Variants in TRIM58 observed in about 807,000 individuals in gnomAD.
TRIM58 encodes the protein tripartite motif containing 58.
TRIM58 carries 38 observed loss-of-function variants against 34.1 expected under a neutral mutation model. The ratio of observed to expected loss-of-function variants is 1.12; its 90% CI spans 0.86 to 1.46. The LOEUF (loss-of-function observed/expected upper bound fraction) is 1.46, where lower values mean the gene tolerates loss of function less well. TRIM58 is among the 40% of genes most tolerant of loss of function. The pLI is 0.00. For synonymous variants in TRIM58, 273 were observed against 275.7 expected, an observed-to-expected ratio of 0.99 and a Z score of 0.10; for missense variants, 677 against 642.0, an observed-to-expected ratio of 1.05 and a Z score of -0.59.
chr1:247,875,530 CCCGTCTCT>C (rs1659262485), intron 5 of TRIM58, among the ~76,000 whole-genome samples: 2 of 151,444 alleles, frequency 1.3e-5, no homozygotes, highest in African/African-American at 4.9e-5. Context: ...ATAGCAAGAC[CCCGTCTCT>C]CTGTCTCTCT....
chr1:247,860,011 CTA>C (rs1484145782), intron 1 of TRIM58, among the ~76,000 whole-genome samples: 9 of 151,842 alleles, frequency 5.9e-5, no homozygotes, highest in Non-Finnish European at 1.0e-4. Context: ...CATTGTATTT[CTA>C]GTCATTAAAC....
chr1:247,869,092 G>T (rs537662320), intron 5 of TRIM58, among the ~76,000 whole-genome samples: 22 of 152,268 alleles, frequency 1.4e-4, no homozygotes, highest in African/African-American at 5.3e-4. Flanking sequence ...TAGAGACGGG[G>T]TCTCACCATG....
chr1:247,869,985 G>GC (rs1199578275), intron 5 of TRIM58, among the ~76,000 whole-genome samples: 4 of 152,114 alleles, frequency 2.6e-5, no homozygotes, highest in Non-Finnish European at 4.4e-5. Context: ...GATTCATTGG[G>GC]CTTGGAGTGC....
intron 5 of TRIM58, among the ~76,000 whole-genome samples, chr1:247,872,040 T>C (rs1339010941): frequency 2.0e-5 from 3 of 152,158 alleles, no homozygotes; most frequent in African/African-American, 7.2e-5. Context: ...CCAGGAGCTG[T>C]GAGGATGTCA....
Position 247,875,895 on chromosome 1 carries a change from C to T in TRIM58, c.872-5C>T, listed in dbSNP as rs777980554. 1.7e-4 allele frequency: 280 copies of T among 1,602,810 alleles called. No homozygotes were observed. The highest frequency in any genetic ancestry group is 5.3e-4 in the South Asian group (47 of 89,468). On this transcript the variant is annotated splice_polypyrimidine_tract_variant and splice_region_variant and intron_variant, in intron 5 of 5. Transcript: ENST00000366481. ...TTCACCTGGTCCACCACATTCTTTC[C>T]GCAGTGGATGTAAAGCTGGATCCCG...
chr1:247,866,818 C>A lies in TRIM58; in HGVS notation c.748-1027C>A, dbSNP rs1572574096. On this transcript the variant is annotated intron_variant, in intron 3 of 5. Transcript: ENST00000366481. ...ATGAGGCTTGGTTGTGTTGCCCAGG[C>A]TGTATATTTTTATACTTTCCTTTCC... 2.0e-5 allele frequency among the ~76,000 whole-genome samples: 3 copies of A among 152,128 alleles called. No individual in the cohort carries two copies. The South Asian group carries it at 6.2e-4, about 31-fold the overall frequency.
intron 5 of TRIM58, among the ~76,000 whole-genome samples, chr1:247,869,403 T>C (rs1434896127): frequency 2.0e-5 from 3 of 152,236 alleles, no homozygotes; most frequent in Non-Finnish European, 4.4e-5. Flanking sequence ...GGAGGCTTTC[T>C]GGGTAATCAC....
At position 247,879,220 on chromosome 1, in the gene TRIM58, C is replaced by A. The variant is rs1659356449; in HGVS notation, c.*2731C>A. On this transcript the variant is annotated 3_prime_UTR_variant, in exon 6 of 6. Coordinates refer to ENST00000366481, the MANE Select transcript of TRIM58 (RefSeq NM_015431.4). ...AACTCCATTCTTTTGATTGCTTAAGCCAGGCATCCGATTGAGTACTTTCTT... is the reference window on the plus strand; with the variant it reads ...AACTCCATTCTTTTGATTGCTTAAGACAGGCATCCGATTGAGTACTTTCTT... Among the ~76,000 whole-genome samples the A allele has an allele frequency of 6.6e-6, 1 of 152,200 alleles. No homozygotes were observed. The highest frequency in any genetic ancestry group is 6.5e-5 in the Admixed American group (1 of 15,276).
chr1:247,858,339 T>G (rs1017838164), intron 1 of TRIM58, among the ~76,000 whole-genome samples: 4 of 152,142 alleles, frequency 2.6e-5, no homozygotes, highest in African/African-American at 9.7e-5. Flanking sequence ...ATGGGAGTAT[T>G]TGGTCCCCAG....
chr1:247,869,974 G>GA (rs1659064776), intron 5 of TRIM58, among the ~76,000 whole-genome samples: 1 of 152,152 alleles, frequency 6.6e-6, no homozygotes, highest in East Asian at 1.9e-4. Context: ...ATTTTTTGGA[G>GA]GATTCATTGG....
At chr1:247,860,488 T>A (rs1663761437) in intron 1 of TRIM58, 129 bp from the exon 2 acceptor site, 1 of 611,752 alleles carries the variant, frequency 1.6e-6, no homozygotes, top group Non-Finnish European at 2.9e-6. Flanking sequence ...GTTTAGTTTT[T>A]AATGATATTG....
chr1:247,875,818 G>A, intron 5 of TRIM58, 82 bp from the exon 6 acceptor site: 1 of 1,194,764 alleles, frequency 8.4e-7, no homozygotes, highest in South Asian at 1.5e-5. Context: ...GAGGAACTGT[G>A]GGACTATTCT....
chr1:247,861,013 C>A (rs1663779697), intron 2 of TRIM58, among the ~76,000 whole-genome samples: 1 of 152,170 alleles, frequency 6.6e-6, no homozygotes. Flanking sequence ...TATACTGTTG[C>A]TACCAGTTTG....
At chr1:247,864,356 C>T (rs913876736) in intron 2 of TRIM58, among the ~76,000 whole-genome samples, 1 of 151,976 alleles carries the variant, frequency 6.6e-6, no homozygotes, top group Non-Finnish European at 1.5e-5. Flanking sequence ...CTTTGTTACC[C>T]AGGCTGGTCT....
At chr1:247,861,650 A>C (rs143008778) in intron 2 of TRIM58, among the ~76,000 whole-genome samples, 136 of 151,512 alleles carry the variant, frequency 9.0e-4, no homozygotes, top group African/African-American at 3.2e-3. Context: ...TTTTCTGATC[A>C]CTCTATATAT....
intron 1 of TRIM58, among the ~76,000 whole-genome samples, chr1:247,859,819 T>G (rs1039519666): frequency 6.6e-6 from 1 of 151,902 alleles, no homozygotes; most frequent in African/African-American, 2.4e-5. Flanking sequence ...TATAGTTATA[T>G]AGAGAAATAT....
chr1:247,871,576 C>CA (rs1310642610), intron 5 of TRIM58, among the ~76,000 whole-genome samples: 1 of 152,174 alleles, frequency 6.6e-6, no homozygotes, highest in East Asian at 1.9e-4. Context: ...ATCTCTGCAG[C>CA]ATAGTACCCA....
In TRIM58 at chr1:247,857,407, T is replaced by A. The variant is rs1345164457; in HGVS notation, c.161T>A (p.Val54Asp). The A allele has an allele frequency of 1.3e-6, 2 of 1,509,398 alleles. No individual in the cohort carries two copies. The highest frequency in any genetic ancestry group is 2.7e-5 in the East Asian group (1 of 36,574). 93.5% of individuals were successfully genotyped at this position (1,509,398 alleles called of 1,614,324 possible). ...AAGTCGGACGGCGCGCAGGGCGGCG[T>A]CTACGCCTGTCCGCAGTGCCGGGGC... The part of the protein sequence containing the change: ...CEKSDGAQGG[V>D]YACPQCRGPF... The change falls in exon 1 of 6, where the codon GTC (valine) becomes GAC (aspartate). Residue 54 changes from valine (V) to aspartate (D), a missense_variant. By Grantham distance (152) the Val-to-Asp change is radical. Transcript: ENST00000366481.
At chr1:247,860,508 A>G (rs971360885) in intron 1 of TRIM58, 109 bp from the exon 2 acceptor site, 1 of 687,074 alleles carries the variant, frequency 1.5e-6, no homozygotes, top group East Asian at 2.8e-5. Flanking sequence ...GAACATTTTT[A>G]TGTGCTTTCT....
Sources: gnomAD v4.1 joint callset for allele counts (sites outside exome capture counted in the v4.1 genomes callset) on GRCh38, gnomAD v4.1.1 for gene constraint, MANE v1.5 for transcripts, NCBI Gene and HGNC (gene_info 2026-07-23, HGNC 2026-07-21) for gene names.